Variants in FRMD5 observed in about 807,000 individuals in gnomAD.
FRMD5 encodes the protein FERM domain-containing protein 5.
Under a neutral mutation model 69.0 loss-of-function variants are expected in FRMD5, and 20 were observed. The observed-to-expected ratio is 0.29, with a 90% confidence interval of 0.20 to 0.42. The LOEUF (loss-of-function observed/expected upper bound fraction) is 0.42, where lower values mean the gene tolerates loss of function less well. FRMD5 is among the 10% of genes least tolerant of loss of function. The pLI, the probability that FRMD5 is intolerant of heterozygous loss-of-function variation, is 1.00. For missense variants in FRMD5, 595 were observed against 708.6 expected (o/e 0.84, Z 1.82); for synonymous variants, 271 against 260.1 (o/e 1.04, Z -0.40).
At chr15:44,180,409 T>C (rs1340749662) in intron 1 of FRMD5, among the ~76,000 whole-genome samples, 4 of 152,162 alleles carry the variant, frequency 2.6e-5, no homozygotes, top group Non-Finnish European at 5.9e-5. Flanking sequence ...TATTCATAAC[T>C]TATCAGTACC....
At chr15:44,195,362 T>C (rs1188689334), upstream of FRMD5, 5 of 427,806 alleles carry the variant, frequency 1.2e-5, no homozygotes, top group Admixed American at 2.2e-4. Context: ...CGGAACCGAG[T>C]GGCAGACCGA....
At chr15:44,117,664 C>G (rs2076888423) in intron 1 of FRMD5, among the ~76,000 whole-genome samples, 1 of 152,192 alleles carries the variant, frequency 6.6e-6, no homozygotes, top group Non-Finnish European at 1.5e-5. Flanking sequence ...CTGGACTGTG[C>G]TTCTTTGCAT....
chr15:43,883,952 C>G, intron 12 of FRMD5, 143 bp from the exon 13 acceptor site: 1 of 644,540 alleles, frequency 1.6e-6, no homozygotes, highest in Non-Finnish European at 2.8e-6. Context: ...AATACCTTCT[C>G]TTTGCCTTTG....
intron 1 of FRMD5, among the ~76,000 whole-genome samples, chr15:44,013,857 CTTTTT>C (rs3040909): frequency 7.6e-6 from 1 of 131,600 alleles, no homozygotes; most frequent in Non-Finnish European, 1.6e-5. Flanking sequence ...GAGACACCTT[CTTTTT>C]TTTTTTTTTT....
At chr15:43,996,817 T>C (rs147102454) in intron 1 of FRMD5, among the ~76,000 whole-genome samples, 2 of 150,496 alleles carry the variant, frequency 1.3e-5, no homozygotes, top group African/African-American at 4.9e-5. Context: ...TTTTAGGCTC[T>C]ATCCTGGATC....
chr15:44,004,507 T>C (rs1595612415), intron 1 of FRMD5, among the ~76,000 whole-genome samples: 2 of 152,332 alleles, frequency 1.3e-5, no homozygotes, highest in East Asian at 3.9e-4. Flanking sequence ...AGTTTTCCAT[T>C]AATATTATTT....
intron 1 of FRMD5, among the ~76,000 whole-genome samples, chr15:44,029,472 G>A (rs1891584720): frequency 6.6e-6 from 1 of 152,214 alleles, no homozygotes. Flanking sequence ...CCTGCCCCAG[G>A]ATAATTTCAG....
At chr15:44,042,201 G>C (rs1892227723) in intron 1 of FRMD5, among the ~76,000 whole-genome samples, 2 of 152,094 alleles carry the variant, frequency 1.3e-5, no homozygotes, top group South Asian at 2.1e-4. Context: ...ATAAATTCCG[G>C]GACACATACA....
At chr15:44,087,313 G>A (rs1282300704) in intron 1 of FRMD5, among the ~76,000 whole-genome samples, 2 of 152,156 alleles carry the variant, frequency 1.3e-5, no homozygotes, top group South Asian at 2.1e-4. Flanking sequence ...GAGCAACCGC[G>A]CCCGCCCAAG....
chr15:44,176,200 ATAATT>A (rs1264870627), intron 1 of FRMD5, among the ~76,000 whole-genome samples: 2 of 152,342 alleles, frequency 1.3e-5, no homozygotes, highest in South Asian at 2.1e-4. Flanking sequence ...TCAATGGAAT[ATAATT>A]TAGAGTCCAG....
intron 1 of FRMD5, 21 bp from the exon 2 acceptor site, chr15:43,924,330 A>T (rs556747921): frequency 6.4e-7 from 1 of 1,558,698 alleles, no homozygotes; most frequent in Non-Finnish European, 8.8e-7. Flanking sequence ...AGAAAACTCC[A>T]TTGAGAAATG....
rs75528510 is a variant in FRMD5, at chr15:44,053,408, G to T, written c.103-129099C>A. 2.3e-3 allele frequency among the ~76,000 whole-genome samples: 350 copies of T among 152,226 alleles called. 7 individuals are homozygous for T. The East Asian group carries it at 0.059, about 26-fold the overall frequency. ...ATTAGTGTTTTGCAAGGATCGTTCT[G>T]GTTGCTGTGTGGAGAATGAATATGA... On this transcript the variant is annotated intron_variant, in intron 1 of 13. Coordinates refer to ENST00000417257, the MANE Select transcript of FRMD5 (RefSeq NM_032892.5).
chr15:44,087,935 G>A (rs371237386), intron 1 of FRMD5, among the ~76,000 whole-genome samples: 7 of 152,274 alleles, frequency 4.6e-5, no homozygotes, highest in African/African-American at 1.7e-4. Context: ...TACTCTAGCT[G>A]AAGTAATTCC....
chr15:43,989,057 C>A (rs923191081), intron 1 of FRMD5: 76 of 868,750 alleles, frequency 8.7e-5, no homozygotes, highest in South Asian at 8.3e-4. Context: ...AAGTCACAGT[C>A]CGCCTAGAAG....
At chr15:44,169,038 T>C (rs1443764793) in intron 1 of FRMD5, among the ~76,000 whole-genome samples, 5 of 152,248 alleles carry the variant, frequency 3.3e-5, no homozygotes, top group African/African-American at 2.4e-5. Flanking sequence ...GTGCAATCAT[T>C]GGTCACAGGC....
chr15:44,194,483 A>C, intron 1 of FRMD5: 1 of 212,230 alleles, frequency 4.7e-6, no homozygotes. Context: ...TGGTGGGGGG[A>C]GGAATTATGA....
chr15:43,943,848 C>G (rs954854006), intron 1 of FRMD5, among the ~76,000 whole-genome samples: 2 of 152,200 alleles, frequency 1.3e-5, no homozygotes, highest in African/African-American at 4.8e-5. Flanking sequence ...TTGTTTCAAG[C>G]CAGTTTGTGA....
intron 1 of FRMD5, among the ~76,000 whole-genome samples, chr15:44,052,834 C>T (rs1892724948): frequency 2.0e-5 from 3 of 152,016 alleles, no homozygotes; most frequent in Admixed American, 2.0e-4. Flanking sequence ...CATTCATTCA[C>T]AAATGTATAT....
intron 10 of FRMD5, among the ~76,000 whole-genome samples, chr15:43,887,215 G>C (rs1436045375): frequency 6.6e-6 from 1 of 152,160 alleles, no homozygotes; most frequent in Admixed American, 6.5e-5. Flanking sequence ...GCAGGCCCCT[G>C]TCGGCTAGTG....
Sources: gnomAD v4.1 joint callset for allele counts (sites outside exome capture counted in the v4.1 genomes callset) on GRCh38, gnomAD v4.1.1 for gene constraint, MANE v1.5 for transcripts, NCBI Gene and HGNC (gene_info 2026-07-23, HGNC 2026-07-21) for gene names.